TAF5L: variants seen among roughly 807,000 people sequenced by gnomAD.
The protein encoded by TAF5L is TATA-box binding protein associated factor 5 like, also known as TAF5-like RNA polymerase II p300/CBP-associated factor-associated factor 65 kDa subunit 5L.
A neutral mutation model predicts 51.3 loss-of-function variants in TAF5L; 7 were observed. The observed-to-expected ratio is 0.14, with a 90% confidence interval of 0.08 to 0.26. The LOEUF is 0.26. Ranked by LOEUF, TAF5L falls within the 10% of genes least tolerant of loss-of-function variation. The pLI, the probability that TAF5L is intolerant of heterozygous loss-of-function variation, is 1.00. For synonymous variants in TAF5L, 291 were observed against 308.1 expected, an observed-to-expected ratio of 0.94 and a Z score of 0.58; for missense variants, 575 against 758.9, an observed-to-expected ratio of 0.76 and a Z score of 2.85.
intron 3 of TAF5L, among the ~76,000 whole-genome samples, chr1:229,604,402 A>C (rs1039904771): frequency 7.9e-5 from 12 of 152,230 alleles, no homozygotes; most frequent in Admixed American, 7.2e-4. Context: ...GAAAAATTAC[A>C]ATCATTCCAC....
intron 4 of TAF5L, chr1:229,599,995 T>C: frequency 1.0e-6 from 1 of 985,484 alleles, no homozygotes; most frequent in Admixed American, 6.1e-5. Context: ...TTTACCTGTT[T>C]GGTTTCTCTA....
At chr1:229,600,108 A>G (rs1664315662) in intron 4 of TAF5L, 7 of 982,762 alleles carry the variant, frequency 7.1e-6, no homozygotes, top group Admixed American at 6.1e-5. Flanking sequence ...TATGCATTCT[A>G]TAAGGGAAAA....
intron 4 of TAF5L, chr1:229,601,988 G>C: frequency 7.2e-7 from 1 of 1,397,490 alleles, no homozygotes; most frequent in Non-Finnish European, 9.3e-7. Flanking sequence ...TCATTAATAA[G>C]AAGTTAATGC....
At chr1:229,601,480 G>A (rs3820359) in intron 4 of TAF5L, 423,504 of 985,130 alleles carry the variant, frequency 0.43, 92,517 homozygotes, top group South Asian at 0.47. Flanking sequence ...TTTTTTCTAA[G>A]GTAGTGATTT....
chr1:229,614,224 T>C lies in TAF5L; in HGVS notation c.142+117A>G, dbSNP rs186280341. ...CACTTAACGTAGCTCACTGAGGTTT[T>C]TGGTCAGTCTGCTCTCTCTGGCACT... is the stretch of plus-strand genomic sequence containing the variant. On this transcript the variant is annotated intron_variant, in intron 2 of 4. Transcript: ENST00000258281. The C allele has an allele frequency of 5.7e-5, 90 of 1,570,342 alleles. No individual in the cohort carries two copies. In the African/African-American group the frequency reaches 7.2e-4, roughly 12 times the overall value.
chr1:229,614,155 C>A, intron 2 of TAF5L, 186 bp downstream of exon 2: 1 of 897,190 alleles, frequency 1.1e-6, no homozygotes, highest in Admixed American at 2.0e-5. Context: ...ACAATGTGAG[C>A]ACCGCTCTAA....
chr1:229,608,847 T>A (rs34384146), intron 3 of TAF5L, among the ~76,000 whole-genome samples: 58,545 of 151,720 alleles, frequency 0.39, 11,932 homozygotes, highest in South Asian at 0.48. Flanking sequence ...CAAAAAAATT[T>A]AAAAAAATTA....
chr1:229,605,689 G>T (rs192756575), intron 3 of TAF5L, among the ~76,000 whole-genome samples: 1 of 152,020 alleles, frequency 6.6e-6, no homozygotes, highest in African/African-American at 2.4e-5. Flanking sequence ...ATAAAGTGTG[G>T]GCCTCATCCA....
At chr1:229,623,302 A>G (rs1665293205) in intron 1 of TAF5L, among the ~76,000 whole-genome samples, 1 of 152,182 alleles carries the variant, frequency 6.6e-6, no homozygotes, top group Non-Finnish European at 1.5e-5. Flanking sequence ...AAAACAAAAT[A>G]CTTTCTACTG....
In TAF5L at chr1:229,625,778, C is replaced by G. The variant is rs1468366709; in HGVS notation, c.-4+107G>C. ...CACCCCCACCGCCCGCCGGCGGGAG[C>G]CAAGGCGCGCCCCGCCGAGGCCCCA... On this transcript the variant is annotated intron_variant, in intron 1 of 4. Transcript: ENST00000258281. The surrounding 1 kb of genome is among the most constrained non-coding windows in gnomAD (Gnocchi z 4.0). 3 of 119,884 alleles carry G rather than the reference C, an allele frequency of 2.5e-5. No individual in the cohort carries two copies. The highest frequency in any genetic ancestry group is 3.5e-5 in the Non-Finnish European group (2 of 57,660). The allele number at this position is 119,884 out of a possible 1,614,324, so 7.4% of individuals were successfully genotyped here.
intron 2 of TAF5L, chr1:229,614,059 T>G: frequency 3.3e-6 from 2 of 611,238 alleles, no homozygotes; most frequent in Non-Finnish European, 5.8e-6. Context: ...AAGTTGCACG[T>G]ACTTTCAGGT....
chr1:229,620,612 T>C (rs1354678638), intron 1 of TAF5L, among the ~76,000 whole-genome samples: 1 of 152,236 alleles, frequency 6.6e-6, no homozygotes, highest in Admixed American at 6.5e-5. Context: ...GAGTGCTATC[T>C]AGCTTCTTGG....
intron 2 of TAF5L, among the ~76,000 whole-genome samples, chr1:229,611,163 T>C (rs906397083): frequency 6.6e-6 from 1 of 152,140 alleles, no homozygotes; most frequent in Non-Finnish European, 1.5e-5. Flanking sequence ...CTGGAGCATG[T>C]GTGCCTGGCT....
intron 3 of TAF5L, among the ~76,000 whole-genome samples, chr1:229,605,108 G>GTATGTGTATATATATATATATATATA (rs1553270421): frequency 2.4e-4 from 28 of 118,608 alleles, no homozygotes; most frequent in African/African-American, 7.9e-4. Context: ...ATTTTTGTAT[G>GTATGTGTATATATATATATATATATA]TATATATATA....
intron 4 of TAF5L, chr1:229,601,818 G>C (rs1050246857): frequency 9.8e-7 from 1 of 1,021,288 alleles, no homozygotes; most frequent in Non-Finnish European, 1.2e-6. Context: ...GAGGCCCTTC[G>C]ACTCAGTTAT....
At chr1:229,616,828 T>C (rs1203266085) in intron 1 of TAF5L, among the ~76,000 whole-genome samples, 2 of 152,220 alleles carry the variant, frequency 1.3e-5, no homozygotes, top group African/African-American at 2.4e-5. Flanking sequence ...TTAAACTATA[T>C]GCCCAGAAAG....
chr1:229,594,401 C>G lies in TAF5L; in HGVS notation c.1666G>C (p.Val556Leu). 1 of 1,614,202 alleles carries G rather than the reference C, an allele frequency of 6.2e-7. No homozygotes were observed. The highest frequency in any genetic ancestry group is 8.5e-7 in the Non-Finnish European group (1 of 1,180,054). ...CTCATCTGCCCGGTGTACACGCCCA[C>G]GAGCTCGCTGGAGGAGCCGTCGGCA... Residue 556 changes from valine to leucine, a missense_variant, in exon 5 of 5, where the codon GTG (valine) becomes CTG (leucine). Val to Leu is a conservative substitution (Grantham distance 32, BLOSUM62 1). Transcript: ENST00000258281. This position sits in a 1 kb window ranked among gnomAD's most constrained non-coding sequence, Gnocchi z 7.9.
intron 1 of TAF5L, among the ~76,000 whole-genome samples, chr1:229,622,877 T>G (rs540976422): frequency 1.8e-4 from 27 of 152,354 alleles, no homozygotes; most frequent in African/African-American, 6.3e-4. Context: ...GCTGGGATTA[T>G]CGGCATGAGC....
At position 229,602,724 on chromosome 1, in the gene TAF5L, T is replaced by G. The variant is rs1377740408; in HGVS notation, c.443A>C (p.Asp148Ala). The change falls in exon 4 of 5, where the codon GAC (aspartate) becomes GCC (alanine). Residue 148 changes from aspartate (D) to alanine (A), a missense_variant. By Grantham distance (126) the Asp-to-Ala change is moderately radical (BLOSUM62 -2). Around this residue, in one of 3 missense-constraint regions of TAF5L, gnomAD observed 380 missense variants for 443.7 expected, o/e 0.86. Coordinates refer to ENST00000258281, the Ensembl canonical transcript of TAF5L. This position sits in a 1 kb window ranked among gnomAD's most constrained non-coding sequence, Gnocchi z 4.6. ...TCGAAGCTTGAAGTTAGATAGGATGTCCTGGATGGTTTGAGTGGTCTGTAG... is the reference window on the plus strand; with the variant it reads ...TCGAAGCTTGAAGTTAGATAGGATGGCCTGGATGGTTTGAGTGGTCTGTAG... 1 of 1,614,176 alleles carries G rather than the reference T, an allele frequency of 6.2e-7. No individual in the cohort carries two copies. Among genetic ancestry groups the G allele is most frequent in the Admixed American group, 1.7e-5 (1 of 60,016 alleles).
Sources: allele counts gnomAD v4.1 joint callset (sites outside exome capture counted in the v4.1 genomes callset), GRCh38; gene constraint gnomAD v4.1.1; regional missense constraint gnomAD v4.1.1; non-coding constraint Gnocchi (gnomAD v3.1); transcripts MANE v1.5; gene names NCBI Gene and HGNC (gene_info 2026-07-23, HGNC 2026-07-21).